HECTD2: variants seen among roughly 807,000 people sequenced by gnomAD.
The protein encoded by HECTD2 is HECT domain E3 ubiquitin protein ligase 2, also known as probable E3 ubiquitin-protein ligase HECTD2.
In HECTD2, 35 loss-of-function variants were observed where a neutral mutation model predicts 103.2. The observed-to-expected ratio is 0.34, with a 90% CI of 0.26 to 0.45. The LOEUF is 0.45. HECTD2 is among the 20% of genes least tolerant of loss of function. The pLI is 1.00. For missense variants in HECTD2, 596 were observed against 937.4 expected (o/e 0.64, Z 4.76); for synonymous variants, 281 against 329.9 (o/e 0.85, Z 1.61).
intron 20 of HECTD2, among the ~76,000 whole-genome samples, chr10:91,506,372 G>A (rs1436054432): frequency 5.3e-5 from 8 of 151,182 alleles, no homozygotes; most frequent in Non-Finnish European, 8.8e-5. Context: ...TTGATAGACC[G>A]CTAGCAAGAC....
chr10:91,413,451 T>C (rs1453576874), intron 1 of HECTD2, among the ~76,000 whole-genome samples: 1 of 152,212 alleles, frequency 6.6e-6, no homozygotes, highest in Non-Finnish European at 1.5e-5. Flanking sequence ...AGCACCTGTT[T>C]TCAACCTTAG....
intron 2 of HECTD2, among the ~76,000 whole-genome samples, chr10:91,439,824 A>G (rs936122847): frequency 1.3e-5 from 2 of 151,944 alleles, no homozygotes; most frequent in Non-Finnish European, 2.9e-5. Context: ...ATTGCTAGGT[A>G]TTTTATTCTC....
intron 8 of HECTD2, chr10:91,484,065 C>G (rs1846185179): frequency 1.1e-5 from 4 of 380,440 alleles, no homozygotes; most frequent in Non-Finnish European, 1.9e-5. Flanking sequence ...AGGACACTTG[C>G]AAAGAGAGAG....
At chr10:91,445,784 C>A (rs949587435) in intron 2 of HECTD2, among the ~76,000 whole-genome samples, 2 of 152,070 alleles carry the variant, frequency 1.3e-5, no homozygotes, top group South Asian at 4.1e-4. Context: ...CACAAGGGAT[C>A]AGAGAAATCC....
intron 1 of HECTD2, among the ~76,000 whole-genome samples, chr10:91,420,592 G>GAAAAAAAAA (rs770680688): frequency 9.5e-6 from 1 of 105,136 alleles, no homozygotes. Flanking sequence ...TATCTCAAAA[G>GAAAAAAAAA]AAAAAAAAAA....
chr10:91,479,537 A>G (rs1846020081), intron 6 of HECTD2, among the ~76,000 whole-genome samples: 1 of 152,132 alleles, frequency 6.6e-6, no homozygotes, highest in Non-Finnish European at 1.5e-5. Context: ...TTCTTAAACC[A>G]CACTTTTAAT....
intron 5 of HECTD2, among the ~76,000 whole-genome samples, chr10:91,463,958 T>C (rs1172642486): frequency 6.7e-6 from 1 of 149,600 alleles, no homozygotes; most frequent in Non-Finnish European, 1.5e-5. Context: ...CTGAACTTGA[T>C]TTTTTTTTGA....
At chr10:91,439,027 G>C (rs2133102011) in intron 2 of HECTD2, among the ~76,000 whole-genome samples, 1 of 152,234 alleles carries the variant, frequency 6.6e-6, no homozygotes, top group East Asian at 1.9e-4. Flanking sequence ...TCTGTAGGTT[G>C]CCTCTTCACT....
chr10:91,438,312 T>TAA (rs1844225974), intron 2 of HECTD2, among the ~76,000 whole-genome samples: 1 of 152,196 alleles, frequency 6.6e-6, no homozygotes, highest in South Asian at 2.1e-4. Context: ...AACTGCCACT[T>TAA]ACGAGTGAGA....
intron 11 of HECTD2, chr10:91,488,033 A>G (rs1846328390): frequency 4.1e-6 from 1 of 244,090 alleles, no homozygotes; most frequent in Admixed American, 4.9e-5. Context: ...ACAGATTCAA[A>G]TTACTGAGAG....
rs1847516327 is a variant in HECTD2, at chr10:91,513,840, G to T, written c.*1456G>T. 1 of 152,578 alleles carries T rather than the reference G, an allele frequency of 6.6e-6. No individual in the cohort carries two copies. Among genetic ancestry groups the T allele is most frequent in the Non-Finnish European group, 1.5e-5 (1 of 68,024 alleles). The allele number at this position is 152,578 out of a possible 1,614,324, so 9.5% of individuals were successfully genotyped here. A position where few individuals can be genotyped will look rare whatever the true frequency, so the allele number is the denominator to read the frequency against. ...TCTTCCAGGGTGGAGGAACTAATCA[G>T]CTTGTTCTCCAACAGTTCTGAAGCC... On this transcript the variant is annotated 3_prime_UTR_variant, in exon 21 of 21. Coordinates refer to ENST00000298068, the MANE Select transcript of HECTD2 (RefSeq NM_182765.6).
chr10:91,430,848 G>T (rs1843829408), intron 2 of HECTD2, among the ~76,000 whole-genome samples: 1 of 151,782 alleles, frequency 6.6e-6, no homozygotes, highest in Non-Finnish European at 1.5e-5. Flanking sequence ...GCCAGTCTGT[G>T]TGTTTTAATT....
upstream of HECTD2, among the ~76,000 whole-genome samples, chr10:91,410,077 C>A (rs1842847466): frequency 6.6e-6 from 1 of 152,124 alleles, no homozygotes; most frequent in South Asian, 2.1e-4. Context: ...CGACACTCTG[C>A]AAACAATATG....
At chr10:91,410,155 G>A (rs1394937764), upstream of HECTD2, 5 of 151,912 alleles carry the variant, frequency 3.3e-5, no homozygotes, top group African/African-American at 1.2e-4. Flanking sequence ...ACTACCGCCG[G>A]CGCTCCCGAC....
At chr10:91,413,190 T>G (rs1377000945) in intron 1 of HECTD2, among the ~76,000 whole-genome samples, 3 of 152,048 alleles carry the variant, frequency 2.0e-5, no homozygotes, top group African/African-American at 7.2e-5. Flanking sequence ...AAGTAGAAGG[T>G]CAGTTTACAG....
At chr10:91,474,371 C>G (rs545308431) in intron 5 of HECTD2, among the ~76,000 whole-genome samples, 1 of 152,182 alleles carries the variant, frequency 6.6e-6, no homozygotes, top group South Asian at 2.1e-4. Context: ...ATATTCCATG[C>G]TAAGCACAAG....
intron 19 of HECTD2, 22 bp from the exon 20 acceptor site, chr10:91,501,169 A>AATTT: frequency 6.3e-7 from 1 of 1,598,320 alleles, no homozygotes; most frequent in Non-Finnish European, 8.5e-7. Flanking sequence ...ATTTGATGTT[A>AATTT]ATTTCCTTTG....
intron 1 of HECTD2, among the ~76,000 whole-genome samples, 188 bp downstream of exon 1, chr10:91,410,764 C>G (rs1842887570): frequency 6.6e-6 from 1 of 152,200 alleles, no homozygotes; most frequent in Admixed American, 6.5e-5. Context: ...GCCCCGAACA[C>G]TTCGCGAGGT....
intron 2 of HECTD2, among the ~76,000 whole-genome samples, chr10:91,451,462 A>G (rs1410242721): frequency 1.3e-5 from 2 of 152,096 alleles, no homozygotes; most frequent in African/African-American, 4.8e-5. Context: ...TGGCATATGT[A>G]TACCTATGTA....
Sources: gnomAD v4.1 joint callset for allele counts (sites outside exome capture counted in the v4.1 genomes callset) on GRCh38, gnomAD v4.1.1 for gene constraint, MANE v1.5 for transcripts, NCBI Gene and HGNC (gene_info 2026-07-23, HGNC 2026-07-21) for gene names.